NUP210L: variants seen among roughly 807,000 people sequenced by gnomAD.
NUP210L encodes the protein nuclear pore membrane glycoprotein 210-like.
In NUP210L, 74 loss-of-function variants were observed where a neutral mutation model predicts 208.5. The observed-to-expected ratio is 0.35, with a 90% CI of 0.29 to 0.43. NUP210L has a LOEUF of 0.43. Among genes scored for constraint, NUP210L ranks in the 20% least tolerant of loss-of-function variants. The pLI is 1.00. For missense variants in NUP210L, 1,843 were observed against 2,289.4 expected (o/e 0.81, Z 3.98); for synonymous variants, 780 against 816.9 (o/e 0.95, Z 0.77).
chr1:154,070,195 C>CA (rs1228314202), intron 17 of NUP210L, 78 bp downstream of exon 17: 6 of 1,243,236 alleles, frequency 4.8e-6, no homozygotes, highest in South Asian at 1.5e-5. Flanking sequence ...GAACTTAAAG[C>CA]AAAAAACAAA....
chr1:154,070,021 G>A (rs1654623883), intron 17 of NUP210L, among the ~76,000 whole-genome samples: 1 of 152,038 alleles, frequency 6.6e-6, no homozygotes, highest in African/African-American at 2.4e-5. Flanking sequence ...TGGACACAGG[G>A]CGGGGAACAT....
intron 35 of NUP210L, among the ~76,000 whole-genome samples, chr1:154,005,479 T>A (rs1330727714): frequency 6.6e-6 from 1 of 151,242 alleles, no homozygotes; most frequent in Non-Finnish European, 1.5e-5. Flanking sequence ...TCCACCGCCT[T>A]GGCCTCCCAA....
chr1:154,023,835 C>A (rs1037624201), intron 30 of NUP210L, among the ~76,000 whole-genome samples: 5 of 150,286 alleles, frequency 3.3e-5, no homozygotes, highest in African/African-American at 4.9e-5. Context: ...CTCGCCCAGG[C>A]TGGAGTGCAG....
exon 31 of NUP210L, chr1:154,023,244 G>C: frequency 6.2e-7 from 1 of 1,613,806 alleles, no homozygotes; most frequent in Non-Finnish European, 8.5e-7. Flanking sequence ...TCCTTCCTTG[G>C]GCTGTGTATA....
In NUP210L at chr1:154,133,793, A is replaced by G. The variant is rs1658376412; in HGVS notation, c.1009+2021T>C. 2.0e-5 allele frequency among the ~76,000 whole-genome samples: 3 copies of G among 152,024 alleles called. No individual in the cohort carries two copies. The South Asian group carries it at 6.2e-4, about 32-fold the overall frequency. ...AGTTTACAGGTTGCAGTGAGCCAAG[A>G]GCCAAGATTGCACCACTGCACTCCA... is the stretch of plus-strand genomic sequence containing the variant. On this transcript the variant is annotated intron_variant, in intron 7 of 39. Transcript: ENST00000368559.
chr1:154,003,268 C>T (rs777510854), intron 35 of NUP210L, among the ~76,000 whole-genome samples: 3 of 151,820 alleles, frequency 2.0e-5, no homozygotes, highest in East Asian at 1.9e-4. Context: ...AGTGCAGTGG[C>T]GCAATCTCAG....
chr1:154,004,407 G>A (rs527489007), intron 35 of NUP210L, among the ~76,000 whole-genome samples: 1 of 151,608 alleles, frequency 6.6e-6, no homozygotes, highest in African/African-American at 2.4e-5. Context: ...TCGTTCTGTC[G>A]CCCAGGCTGG....
At chr1:154,131,070 TC>T (rs1228563373) in intron 7 of NUP210L, among the ~76,000 whole-genome samples, 2 of 151,142 alleles carry the variant, frequency 1.3e-5, no homozygotes, top group Admixed American at 6.6e-5. Flanking sequence ...ATTGAGACCA[TC>T]CTGGCTAACA....
At chr1:153,993,153 C>T (rs1649575489) in intron 38 of NUP210L, 64 bp from the exon 39 acceptor site, 2 of 1,052,698 alleles carry the variant, frequency 1.9e-6, no homozygotes, top group African/African-American at 1.6e-5. Context: ...GCAAAGTCAA[C>T]TCTAGAATGA....
intron 2 of NUP210L, among the ~76,000 whole-genome samples, chr1:154,146,085 G>A (rs1157487275): frequency 6.6e-6 from 1 of 151,994 alleles, no homozygotes; most frequent in Non-Finnish European, 1.5e-5. Context: ...TGAAGAAATG[G>A]CTAAGATGAC....
intron 34 of NUP210L, 67 bp from the exon 35 acceptor site, chr1:154,010,188 T>A: frequency 6.9e-7 from 1 of 1,448,544 alleles, no homozygotes; most frequent in Non-Finnish European, 9.4e-7. Flanking sequence ...GAGACCATTA[T>A]ATGGAGGCAA....
At chr1:154,057,030 G>C in intron 22 of NUP210L, 83 bp from the exon 23 acceptor site, 1 of 1,386,722 alleles carries the variant, frequency 7.2e-7, no homozygotes, top group East Asian at 2.4e-5. Context: ...CCAGGCTGGA[G>C]TGCAGTGGCA....
intron 32 of NUP210L, among the ~76,000 whole-genome samples, chr1:154,019,600 A>G (rs766509166): frequency 6.6e-6 from 1 of 152,084 alleles, no homozygotes; most frequent in Non-Finnish European, 1.5e-5. Flanking sequence ...TTGGAAGACT[A>G]TGGGACAATC....
chr1:154,051,570 C>G (rs1372671931), intron 25 of NUP210L, among the ~76,000 whole-genome samples: 1 of 152,178 alleles, frequency 6.6e-6, no homozygotes, highest in Admixed American at 6.5e-5. Flanking sequence ...GCAGATACAG[C>G]ATTACCTGGA....
chr1:154,129,425 A>G, intron 7 of NUP210L, 80 bp from the exon 8 acceptor site: 1 of 863,070 alleles, frequency 1.2e-6, no homozygotes, highest in Non-Finnish European at 1.9e-6. Context: ...ACAAACAAAC[A>G]AACAAATGCA....
chr1:154,117,561 G>T (rs1188783469), intron 12 of NUP210L, among the ~76,000 whole-genome samples, 164 bp downstream of exon 12: 4 of 152,086 alleles, frequency 2.6e-5, no homozygotes, highest in Non-Finnish European at 5.9e-5. Flanking sequence ...CTGCAGCCTG[G>T]GAAACAGAGC....
chr1:154,150,452 G>A (rs1473935384), intron 2 of NUP210L, among the ~76,000 whole-genome samples: 1 of 152,006 alleles, frequency 6.6e-6, no homozygotes, highest in Non-Finnish European at 1.5e-5. Context: ...TTAAGGCTGG[G>A]TGCAGTGGCT....
Position 154,145,405 on chromosome 1 carries a change from G to A in NUP210L, c.341-1828C>T, listed in dbSNP as rs937800041. On this transcript the variant is annotated intron_variant, in intron 2 of 39. Coordinates refer to ENST00000368559, the Ensembl canonical transcript of NUP210L. The stretch of plus-strand genomic sequence containing the variant: ...TGCACTCCAGCCTGGGTGACAGAGC[G>A]AGATTCCGTCTACAAAAAAAAAAAT... 5.3e-5 allele frequency among the ~76,000 whole-genome samples: 8 copies of A among 151,188 alleles called. No individual in the cohort carries two copies. In the East Asian group the frequency reaches 9.7e-4, roughly 18 times the overall value.
chr1:153,993,867 CA>C, intron 38 of NUP210L, among the ~76,000 whole-genome samples: 1 of 152,228 alleles, frequency 6.6e-6, no homozygotes, highest in Non-Finnish European at 1.5e-5. Flanking sequence ...CACTTCACAC[CA>C]GCCTGGGTGA....
Sources: gnomAD v4.1 joint callset for allele counts (sites outside exome capture counted in the v4.1 genomes callset) on GRCh38, gnomAD v4.1.1 for gene constraint, MANE v1.5 for transcripts, NCBI Gene and HGNC (gene_info 2026-07-23, HGNC 2026-07-21) for gene names.